CD44: variants seen among roughly 807,000 people sequenced by gnomAD.
CD44 encodes the protein CD44 antigen.
Under a neutral mutation model 88.8 loss-of-function variants are expected in CD44, and 49 were observed. That is an observed-to-expected ratio of 0.55 (90% CI 0.44 to 0.70). CD44 has a LOEUF of 0.70. Ranked by LOEUF, CD44 falls within the 30% of genes least tolerant of loss-of-function variation. The probability of loss-of-function intolerance (pLI) is 0.00; values close to 1 mark genes in which losing one functional copy is unlikely to be tolerated. For missense variants in CD44, 883 were observed against 913.8 expected, an observed-to-expected ratio of 0.97 and a Z score of 0.43; for synonymous variants, 325 against 312.3, an observed-to-expected ratio of 1.04 and a Z score of -0.43.
chr11:35,157,990 G>C (rs945921358), intron 1 of CD44, among the ~76,000 whole-genome samples: 1 of 152,118 alleles, frequency 6.6e-6, no homozygotes, highest in African/African-American at 2.4e-5. Flanking sequence ...GCTTCCTTCC[G>C]CATAGTTTCT....
intron 3 of CD44, among the ~76,000 whole-genome samples, chr11:35,184,390 T>G (rs1945450505): frequency 6.6e-6 from 1 of 152,190 alleles, no homozygotes; most frequent in South Asian, 2.1e-4. Context: ...TGCAGTTATA[T>G]TTGAAGTTAG....
intron 16 of CD44, among the ~76,000 whole-genome samples, chr11:35,220,064 G>A (rs950127065): frequency 1.3e-5 from 2 of 152,178 alleles, no homozygotes; most frequent in East Asian, 1.9e-4. Flanking sequence ...TCCTAAGGTT[G>A]TAAATTACCC....
At chr11:35,170,931 T>A (rs1184611760) in intron 1 of CD44, among the ~76,000 whole-genome samples, 3 of 152,254 alleles carry the variant, frequency 2.0e-5, no homozygotes, top group Non-Finnish European at 1.5e-5. Flanking sequence ...ATTGTGAGTT[T>A]GGGCATGTTT....
At chr11:35,216,743 A>G (rs1948860187) in intron 15 of CD44, among the ~76,000 whole-genome samples, 1 of 152,196 alleles carries the variant, frequency 6.6e-6, no homozygotes, top group South Asian at 2.1e-4. Context: ...ATGATCTCTA[A>G]AACCAAGAGA....
chr11:35,160,383 G>A (rs1055892422), intron 1 of CD44, among the ~76,000 whole-genome samples: 3 of 152,198 alleles, frequency 2.0e-5, no homozygotes, highest in African/African-American at 7.2e-5. Context: ...CAGGATGCTG[G>A]TAACACTTTC....
intron 1 of CD44, among the ~76,000 whole-genome samples, chr11:35,153,028 G>A (rs543695368): frequency 1.3e-4 from 20 of 152,290 alleles, no homozygotes; most frequent in Admixed American, 5.2e-4. Flanking sequence ...CTGATAACAG[G>A]GCATGTCAGA....
chr11:35,154,536 G>C (rs1941600404), intron 1 of CD44, among the ~76,000 whole-genome samples: 1 of 152,230 alleles, frequency 6.6e-6, no homozygotes, highest in South Asian at 2.1e-4. Flanking sequence ...AAAATTAGTA[G>C]AGTATAGGCA....
intron 2 of CD44, chr11:35,176,956 A>G: frequency 2.0e-6 from 1 of 511,562 alleles, no homozygotes; most frequent in Non-Finnish European, 3.4e-6. Context: ...GCGGGAACCC[A>G]GAGGAAGCCA....
At chr11:35,195,161 G>C (rs550774051) in intron 5 of CD44, among the ~76,000 whole-genome samples, 1 of 152,156 alleles carries the variant, frequency 6.6e-6, no homozygotes, top group Non-Finnish European at 1.5e-5. Flanking sequence ...ACGATTCAAG[G>C]CCTGTAAATA....
chr11:35,226,971 A>G (rs975522561), intron 17 of CD44, among the ~76,000 whole-genome samples: 17 of 130,600 alleles, frequency 1.3e-4, no homozygotes, highest in African/African-American at 5.2e-4. Context: ...TGCAACCTCC[A>G]CCTCCCAGGT....
chr11:35,194,353 A>G (rs1019760486), intron 5 of CD44, among the ~76,000 whole-genome samples: 5 of 152,226 alleles, frequency 3.3e-5, no homozygotes, highest in Admixed American at 6.5e-5. Context: ...GACATCATAT[A>G]TAGGCAGAAC....
At chr11:35,143,089 A>C (rs2132992627) in intron 1 of CD44, among the ~76,000 whole-genome samples, 3 of 152,224 alleles carry the variant, frequency 2.0e-5, no homozygotes, top group Middle Eastern at 6.8e-3. Context: ...ACTACCTTAC[A>C]GACTCATTAC....
chr11:35,197,662 A>C (rs1946888957), intron 6 of CD44: 1 of 155,126 alleles, frequency 6.4e-6, no homozygotes, highest in Non-Finnish European at 1.4e-5. Context: ...AATTGTGAAC[A>C]CAATGAAATG....
At chr11:35,206,611 T>G (rs1278495006) in intron 11 of CD44, among the ~76,000 whole-genome samples, 1 of 146,504 alleles carries the variant, frequency 6.8e-6, no homozygotes, top group African/African-American at 2.5e-5. Context: ...GGACTTGGTT[T>G]ATGAAAAATA....
intron 1 of CD44, among the ~76,000 whole-genome samples, chr11:35,146,537 A>G (rs1039553460): frequency 2.6e-5 from 4 of 152,200 alleles, no homozygotes; most frequent in Non-Finnish European, 5.9e-5. Flanking sequence ...TGTTTCCTAT[A>G]TACTGCCTTG....
At chr11:35,155,053 T>C (rs958874166) in intron 1 of CD44, among the ~76,000 whole-genome samples, 2 of 151,602 alleles carry the variant, frequency 1.3e-5, no homozygotes, top group Admixed American at 6.6e-5. Flanking sequence ...GAAGAAAGAG[T>C]GTATATTCAC....
chr11:35,149,906 C>A lies in CD44; in HGVS notation c.67+10536C>A, dbSNP rs114513548. On this transcript the variant is annotated intron_variant, in intron 1 of 17. Transcript: ENST00000428726. ...TGTTGTAGGGACAAAGTGCTTTGCC[C>A]GTAGTACTTCATAGAATCCTCTAGA... is the stretch of plus-strand genomic sequence containing the variant. Among the ~76,000 whole-genome samples the A allele has an allele frequency of 6.3e-3, 956 of 152,280 alleles. 6 individuals are homozygous for A. The highest frequency in any genetic ancestry group is 0.022 in the African/African-American group (917 of 41,524).
intron 17 of CD44, among the ~76,000 whole-genome samples, chr11:35,222,002 G>A (rs1949341934): frequency 6.6e-6 from 1 of 152,140 alleles, no homozygotes. Context: ...GTGATTGTTT[G>A]GCTCATCACT....
intron 3 of CD44, among the ~76,000 whole-genome samples, chr11:35,180,652 A>G (rs1162799815): frequency 6.6e-6 from 1 of 152,220 alleles, no homozygotes; most frequent in Non-Finnish European, 1.5e-5. Context: ...CCTAGGTCAC[A>G]TTGGGAGAAG....
Sources: allele counts gnomAD v4.1 joint callset (sites outside exome capture counted in the v4.1 genomes callset), GRCh38; gene constraint gnomAD v4.1.1; transcripts MANE v1.5; gene names NCBI Gene and HGNC (gene_info 2026-07-23, HGNC 2026-07-21).